DDX10: variants seen among roughly 807,000 people sequenced by gnomAD.
DDX10 encodes probable ATP-dependent RNA helicase DDX10.
In DDX10, 74 loss-of-function variants were observed where a neutral mutation model predicts 104.3. The observed-to-expected ratio is 0.71, with a 90% confidence interval of 0.59 to 0.86. DDX10 has a LOEUF of 0.86. Ranked by LOEUF, DDX10 falls within the 40% of genes least tolerant of loss-of-function variation. The pLI is 0.00. For synonymous variants in DDX10, 351 were observed against 353.4 expected, an observed-to-expected ratio of 0.99 and a Z score of 0.08; for missense variants, 952 against 1,040.0, an observed-to-expected ratio of 0.92 and a Z score of 1.16.
intron 13 of DDX10, among the ~76,000 whole-genome samples, chr11:108,800,473 A>T (rs1239105655): frequency 6.7e-6 from 1 of 148,608 alleles, no homozygotes; most frequent in African/African-American, 2.5e-5. Context: ...GAACATCTTA[A>T]CATATACTGC....
intron 6 of DDX10, among the ~76,000 whole-genome samples, chr11:108,686,573 C>T (rs1258922050): frequency 1.3e-5 from 2 of 152,136 alleles, no homozygotes; most frequent in African/African-American, 4.8e-5. Context: ...GATATGATAG[C>T]TCATTTCATT....
At chr11:108,841,504 G>A in intron 15 of DDX10, 28 bp downstream of exon 15, 1 of 1,604,802 alleles carries the variant, frequency 6.2e-7, no homozygotes. Context: ...AATTCATACT[G>A]AGTAAAATTT....
chr11:108,865,700 G>T (rs949918234), intron 16 of DDX10, among the ~76,000 whole-genome samples: 8 of 152,058 alleles, frequency 5.3e-5, no homozygotes, highest in African/African-American at 1.9e-4. Context: ...TTTTGAGGGG[G>T]AATGAAGCAT....
chr11:108,852,748 A>G (rs922040617), intron 16 of DDX10, among the ~76,000 whole-genome samples: 1 of 152,216 alleles, frequency 6.6e-6, no homozygotes, highest in African/African-American at 2.4e-5. Context: ...ATGTACAATT[A>G]TAAACACTGT....
At chr11:108,878,275 A>G (rs999809512) in intron 16 of DDX10, among the ~76,000 whole-genome samples, 1 of 152,154 alleles carries the variant, frequency 6.6e-6, no homozygotes, top group Non-Finnish European at 1.5e-5. Context: ...AGAAAAGGCA[A>G]CTCAGCTGAG....
rs555700179 is a variant in DDX10 at position 108,812,830 on chromosome 11, G to T, written c.1966-25616G>T. ...AACCCCGTTTTTACTGAAACTACAA[G>T]AATTAGCCGGGCATGGTGGCACATG... On this transcript the variant is annotated intron_variant, in intron 13 of 17. Transcript: ENST00000322536. 4.0e-5 allele frequency among the ~76,000 whole-genome samples: 6 copies of T among 151,642 alleles called. No individual in the cohort carries two copies. In the South Asian group the frequency reaches 8.4e-4, roughly 21 times the overall value.
intron 16 of DDX10, among the ~76,000 whole-genome samples, chr11:108,897,229 G>C (rs1266370774): frequency 6.6e-6 from 1 of 152,138 alleles, no homozygotes; most frequent in Non-Finnish European, 1.5e-5. Flanking sequence ...AGCAAAGTTT[G>C]ACTAGCTGCA....
intron 15 of DDX10, among the ~76,000 whole-genome samples, chr11:108,850,518 A>G (rs185997760): frequency 4.3e-4 from 65 of 152,326 alleles, no homozygotes; most frequent in African/African-American, 1.5e-3. Context: ...AATTACAACA[A>G]AAATTTGCAT....
intron 13 of DDX10, among the ~76,000 whole-genome samples, chr11:108,836,677 C>T (rs766973456): frequency 2.6e-5 from 4 of 151,916 alleles, no homozygotes; most frequent in East Asian, 1.9e-4. Flanking sequence ...TTAGTAGATT[C>T]GGGGTTTTGC....
At chr11:108,869,784 C>T (rs1017165742) in intron 16 of DDX10, among the ~76,000 whole-genome samples, 4 of 151,976 alleles carry the variant, frequency 2.6e-5, no homozygotes, top group African/African-American at 9.7e-5. Context: ...GAGATTTTTA[C>T]TTTCATTATA....
intron 13 of DDX10, among the ~76,000 whole-genome samples, chr11:108,813,733 T>C (rs1053483943): frequency 6.6e-6 from 1 of 152,184 alleles, no homozygotes; most frequent in African/African-American, 2.4e-5. Context: ...TTGATTCATT[T>C]GGAATTCTGT....
intron 15 of DDX10, among the ~76,000 whole-genome samples, chr11:108,851,533 G>C (rs1051807710): frequency 6.6e-6 from 1 of 152,046 alleles, no homozygotes; most frequent in Non-Finnish European, 1.5e-5. Flanking sequence ...CCAATTCAGG[G>C]ATAAAGTTTG....
intron 16 of DDX10, among the ~76,000 whole-genome samples, chr11:108,856,891 G>A (rs1862877868): frequency 7.2e-6 from 1 of 139,784 alleles, no homozygotes; most frequent in Admixed American, 7.8e-5. Flanking sequence ...ATTTGGGCAA[G>A]GCTCTAGGGT....
At chr11:108,745,104 CCCTCCCCTTCCCCTTCCT>C (rs1225915000) in intron 13 of DDX10, among the ~76,000 whole-genome samples, 3 of 116,942 alleles carry the variant, frequency 2.6e-5, no homozygotes, top group Non-Finnish European at 5.2e-5. Flanking sequence ...CCTCCCCTCC[CCCTCCCCTTCCCCTTCCT>C]CTTCCCCTTC....
At chr11:108,738,607 T>G (rs1476038706) in intron 13 of DDX10, among the ~76,000 whole-genome samples, 1 of 152,104 alleles carries the variant, frequency 6.6e-6, no homozygotes, top group African/African-American at 2.4e-5. Flanking sequence ...AATTACATGA[T>G]TAGGTATGGC....
chr11:108,937,174 G>T (rs1310764055), intron 17 of DDX10, among the ~76,000 whole-genome samples: 1 of 152,198 alleles, frequency 6.6e-6, no homozygotes, highest in Non-Finnish European at 1.5e-5. Context: ...AAATGCCCAA[G>T]TGTCTGCCGA....
intron 17 of DDX10, among the ~76,000 whole-genome samples, chr11:108,922,482 G>A (rs766513512): frequency 3.9e-5 from 6 of 152,154 alleles, no homozygotes; most frequent in Non-Finnish European, 8.8e-5. Flanking sequence ...TTCTCCACAT[G>A]GAAAAGACAC....
chr11:108,810,470 T>C (rs1368477178), intron 13 of DDX10, among the ~76,000 whole-genome samples: 2 of 152,052 alleles, frequency 1.3e-5, no homozygotes, highest in Non-Finnish European at 2.9e-5. Context: ...TAAATTTGGT[T>C]TGGAGGACTA....
chr11:108,907,058 CT>C (rs1014074696), intron 16 of DDX10, among the ~76,000 whole-genome samples: 2 of 152,150 alleles, frequency 1.3e-5, no homozygotes, highest in African/African-American at 2.4e-5. Context: ...GGAATATGCT[CT>C]TTAGGGCTTT....
Sources: allele counts gnomAD v4.1 joint callset (sites outside exome capture counted in the v4.1 genomes callset), GRCh38; gene constraint gnomAD v4.1.1; transcripts MANE v1.5; gene names NCBI Gene and HGNC (gene_info 2026-07-23, HGNC 2026-07-21).